FTO: variants seen among roughly 807,000 people sequenced by gnomAD.
FTO encodes FTO alpha-ketoglutarate dependent dioxygenase.
In FTO, 47 loss-of-function variants were observed where a neutral mutation model predicts 63.9. That is an observed-to-expected ratio of 0.74 (90% confidence interval 0.58 to 0.94). The LOEUF is 0.94. FTO is among the 40% of genes least tolerant of loss of function. The pLI, the probability that FTO is intolerant of heterozygous loss-of-function variation, is 0.00. For missense variants in FTO, 562 were observed against 618.1 expected (o/e 0.91, Z 0.96); for synonymous variants, 207 against 224.4 (o/e 0.92, Z 0.69).
intron 8 of FTO, 47 bp downstream of exon 8, chr16:53,934,156 A>G (rs768191697): frequency 6.2e-7 from 1 of 1,610,730 alleles, no homozygotes; most frequent in South Asian, 1.1e-5. Context: ...ACAAACAAGA[A>G]CTATATTTGG....
chr16:53,734,899 C>G (rs897063534), intron 1 of FTO, among the ~76,000 whole-genome samples: 4 of 152,160 alleles, frequency 2.6e-5, no homozygotes, highest in African/African-American at 9.7e-5. Flanking sequence ...TAGCACACTC[C>G]TTATTATGTC....
intron 1 of FTO, among the ~76,000 whole-genome samples, chr16:53,707,491 C>T (rs899895207): frequency 3.9e-5 from 6 of 152,122 alleles, no homozygotes; most frequent in African/African-American, 1.2e-4. Context: ...TTTTTGGATT[C>T]GGACATATCT....
intron 3 of FTO, among the ~76,000 whole-genome samples, chr16:53,828,024 G>A (rs976268842): frequency 1.3e-5 from 2 of 152,174 alleles, no homozygotes; most frequent in African/African-American, 4.8e-5. Flanking sequence ...GGGTGATCAA[G>A]TAGTTTTTGA....
At chr16:53,784,036 A>G (rs1343116639) in intron 1 of FTO, among the ~76,000 whole-genome samples, 2 of 152,198 alleles carry the variant, frequency 1.3e-5, no homozygotes, top group African/African-American at 2.4e-5. Context: ...ATTGAAAAAC[A>G]GTAACTCTAT....
Position 53,840,762 on chromosome 16 carries a change from G to GA in FTO, c.752-3391dup, listed in dbSNP as rs1365098399. On this transcript the variant is annotated intron_variant, in intron 3 of 8. Coordinates refer to ENST00000471389, the MANE Select transcript of FTO (RefSeq NM_001080432.3). ...GGCAGGTACCTCAAATGAGTAAAGT[G>GA]AAGTGGCTGTGGGGACTGCGACTAG... Among the ~76,000 whole-genome samples the GA allele has an allele frequency of 2.7e-4, 41 of 152,260 alleles. 1 individual carries two copies. Among genetic ancestry groups the GA allele is most frequent in the Non-Finnish European group, 7.4e-5 (5 of 68,022 alleles).
intron 1 of FTO, among the ~76,000 whole-genome samples, chr16:53,738,682 A>C (rs958432974): frequency 1.3e-5 from 2 of 152,152 alleles, no homozygotes; most frequent in Non-Finnish European, 2.9e-5. Flanking sequence ...ACTGTTTTCC[A>C]GAGTGACATT....
intron 1 of FTO, among the ~76,000 whole-genome samples, chr16:53,721,234 A>G (rs7205986): frequency 0.4 from 61,286 of 152,146 alleles, 13,602 homozygotes; most frequent in Non-Finnish European, 0.51. Flanking sequence ...TGAAATGCAC[A>G]TGCGTAACTT....
chr16:53,999,097 C>A (rs1463526763), intron 8 of FTO, among the ~76,000 whole-genome samples: 3 of 152,162 alleles, frequency 2.0e-5, no homozygotes, highest in African/African-American at 4.8e-5. Context: ...TGAATTAGAT[C>A]CCTCCATGTG....
intron 8 of FTO, among the ~76,000 whole-genome samples, chr16:54,015,493 AT>A (rs1324454057): frequency 1.3e-5 from 2 of 152,148 alleles, no homozygotes; most frequent in African/African-American, 2.4e-5. Context: ...CAATAAAAAA[AT>A]AAAGCTATCT....
intron 8 of FTO, among the ~76,000 whole-genome samples, chr16:54,004,146 T>G (rs2084136999): frequency 6.6e-6 from 1 of 152,232 alleles, no homozygotes; most frequent in African/African-American, 2.4e-5. Flanking sequence ...ATTACAACTT[T>G]TAAAAATAAT....
At chr16:53,856,835 C>T (rs2080014954) in intron 4 of FTO, among the ~76,000 whole-genome samples, 1 of 151,856 alleles carries the variant, frequency 6.6e-6, no homozygotes, top group Admixed American at 6.6e-5. Context: ...AATCATAGTC[C>T]TTGGTCAATT....
chr16:53,912,351 C>T (rs902674053), intron 7 of FTO, among the ~76,000 whole-genome samples: 5 of 152,176 alleles, frequency 3.3e-5, no homozygotes, highest in South Asian at 4.2e-4. Flanking sequence ...CCCTCCCTGG[C>T]GTGTTTTGTG....
At chr16:53,838,317 ATCT>A (rs2079363085) in intron 3 of FTO, among the ~76,000 whole-genome samples, 1 of 152,082 alleles carries the variant, frequency 6.6e-6, no homozygotes, top group South Asian at 2.1e-4. Context: ...AAGGGTGGGA[ATCT>A]TCTTTTTTGA....
intron 4 of FTO, among the ~76,000 whole-genome samples, chr16:53,867,491 ATATGTGTGTG>A (rs2080354527): frequency 7.8e-6 from 1 of 127,534 alleles, no homozygotes; most frequent in African/African-American, 3.3e-5. Context: ...TGTACGCCAC[ATATGTGTGTG>A]TGTGTGTGTG....
At chr16:53,781,042 G>C (rs983146153) in intron 1 of FTO, among the ~76,000 whole-genome samples, 2 of 152,154 alleles carry the variant, frequency 1.3e-5, no homozygotes, top group Non-Finnish European at 2.9e-5. Context: ...ATGAGGGAAA[G>C]AATCTTATGT....
chr16:53,975,988 C>G (rs2083430200), intron 8 of FTO, among the ~76,000 whole-genome samples: 1 of 152,168 alleles, frequency 6.6e-6, no homozygotes. Context: ...AGAGTCTTTG[C>G]TGATCATCAG....
At chr16:53,904,755 G>A (rs2081494551) in intron 7 of FTO, among the ~76,000 whole-genome samples, 1 of 152,118 alleles carries the variant, frequency 6.6e-6, no homozygotes, top group Non-Finnish European at 1.5e-5. Context: ...TCAGGTCTGA[G>A]TTTCAGTTGT....
At chr16:53,803,493 G>C (rs1258641752) in intron 1 of FTO, among the ~76,000 whole-genome samples, 1 of 152,236 alleles carries the variant, frequency 6.6e-6, no homozygotes, top group Admixed American at 6.5e-5. Context: ...AAGAGCAGTG[G>C]CTGTAAGTAT....
chr16:53,912,021 T>A (rs998392128), intron 7 of FTO, among the ~76,000 whole-genome samples: 4 of 152,368 alleles, frequency 2.6e-5, no homozygotes, highest in African/African-American at 9.6e-5. Context: ...ATAGCTCTTT[T>A]AAAATCCAAG....
Sources: gnomAD v4.1 joint callset for allele counts (sites outside exome capture counted in the v4.1 genomes callset) on GRCh38, gnomAD v4.1.1 for gene constraint, MANE v1.5 for transcripts, NCBI Gene and HGNC (gene_info 2026-07-23, HGNC 2026-07-21) for gene names.